The following EIF4G3 variants were observed in gnomAD, a reference collection of about 807,000 sequenced individuals.
The protein encoded by EIF4G3 is eIF-4-gamma 3.
Under a neutral mutation model 186.4 loss-of-function variants are expected in EIF4G3, and 34 were observed. The observed-to-expected ratio is 0.18, with a 90% CI of 0.14 to 0.24. The LOEUF (loss-of-function observed/expected upper bound fraction) is 0.24. Ranked by LOEUF, EIF4G3 falls within the 10% of genes least tolerant of loss-of-function variation. The pLI is 1.00. For synonymous variants in EIF4G3, 673 were observed against 679.5 expected (o/e 0.99, Z 0.15); for missense variants, 1,536 against 1,948.5 (o/e 0.79, Z 3.99).
rs145638748 is a variant in EIF4G3, at chr1:20,872,919, T to A, written c.2622+6404A>T. Among the ~76,000 whole-genome samples, 51 of 152,114 alleles carry A rather than the reference T, an allele frequency of 3.4e-4. No individual in the cohort carries two copies. In the East Asian group the frequency reaches 7.7e-3, roughly 23 times the overall value. Reference sequence around the variant, plus strand: ...GCCCAGCTAATTTTTGTATTTTTAGTAGAGATGGGGTTTCACCATGTTGGC... The same window carrying A: ...GCCCAGCTAATTTTTGTATTTTTAGAAGAGATGGGGTTTCACCATGTTGGC... On this transcript the variant is annotated intron_variant, in intron 20 of 36. Coordinates refer to ENST00000602326, the MANE Select transcript of EIF4G3 (RefSeq NM_001391906.1).
chr1:20,972,916 T>C, intron 11 of EIF4G3, 86 bp downstream of exon 11: 1 of 1,084,288 alleles, frequency 9.2e-7, no homozygotes. Flanking sequence ...ATTTGTGAAT[T>C]GAGATGAATA....
At chr1:20,974,567 A>G (rs2076472908) in intron 10 of EIF4G3, among the ~76,000 whole-genome samples, 1 of 152,222 alleles carries the variant, frequency 6.6e-6, no homozygotes, top group Admixed American at 6.5e-5. Flanking sequence ...ATAGTGAAAG[A>G]GAAGACGGAA....
intron 15 of EIF4G3, among the ~76,000 whole-genome samples, chr1:20,901,445 C>T (rs2090248559): frequency 6.6e-6 from 1 of 152,036 alleles, no homozygotes; most frequent in Non-Finnish European, 1.5e-5. Flanking sequence ...AGCAACATAA[C>T]CAAATTATAC....
chr1:20,893,946 T>A (rs912887287), intron 17 of EIF4G3, among the ~76,000 whole-genome samples: 1 of 150,088 alleles, frequency 6.7e-6, no homozygotes, highest in African/African-American at 2.5e-5. Flanking sequence ...GACAAGATAT[T>A]TTGAGATCCT....
chr1:21,029,701 A>G (rs1557611290), intron 4 of EIF4G3, among the ~76,000 whole-genome samples: 2 of 152,186 alleles, frequency 1.3e-5, no homozygotes, highest in Non-Finnish European at 2.9e-5. Context: ...TCAAGGGTAA[A>G]TAAGAGAAAG....
At position 20,817,511 on chromosome 1, in the gene EIF4G3, G is replaced by T; in HGVS notation, c.4396C>A (p.Pro1466Thr). The change falls in exon 34 of 37, where the codon CCC becomes ACC. Residue 1466 changes from proline to threonine, a missense_variant. Coordinates refer to ENST00000602326, the MANE Select transcript of EIF4G3 (RefSeq NM_001391906.1). ...QKLDFIESDS[P>T]CSSEALSKKE... ...TTTGAAAGTGCTTCAGAGGAACAGG[G>T]ACTGTCAGACTCTATGAAGTCCAAC... 1 of 1,603,508 alleles carries T rather than the reference G, an allele frequency of 6.2e-7. No homozygotes were observed. Among genetic ancestry groups the T allele is most frequent in the South Asian group, 1.1e-5 (1 of 89,288 alleles).
Position 20,865,395 on chromosome 1 carries a change from G to C in EIF4G3, c.2623-133C>G. On this transcript the variant is annotated intron_variant, in intron 20 of 36. Coordinates refer to ENST00000602326, the MANE Select transcript of EIF4G3 (RefSeq NM_001391906.1). ...CATTCTATAAGAGGCAAACAATATA[G>C]CTTCAGGCATTTCATGATTCAACAG... The C allele has an allele frequency of 4.5e-6, 4 of 880,280 alleles. No homozygotes were observed. In the South Asian group the frequency reaches 7.7e-5, roughly 17 times the overall value. The allele number at this position is 880,280 out of a possible 1,614,324, so 54.5% of individuals were successfully genotyped here. A position where few individuals can be genotyped will look rare whatever the true frequency, so the allele number is the denominator to read the frequency against.
chr1:20,856,577 C>T (rs1198904279), intron 25 of EIF4G3, among the ~76,000 whole-genome samples: 1 of 152,140 alleles, frequency 6.6e-6, no homozygotes, highest in Non-Finnish European at 1.5e-5. Context: ...TTTCCTCTTA[C>T]TGCCCACAGA....
chr1:20,919,813 A>T (rs542335438), intron 14 of EIF4G3, among the ~76,000 whole-genome samples: 4 of 152,334 alleles, frequency 2.6e-5, no homozygotes, highest in Admixed American at 2.6e-4. Flanking sequence ...AGAGAAGAAA[A>T]TCAGAATGTT....
intron 19 of EIF4G3, among the ~76,000 whole-genome samples, chr1:20,880,605 G>T (rs1461168718): frequency 6.6e-6 from 1 of 152,138 alleles, no homozygotes; most frequent in Non-Finnish European, 1.5e-5. Flanking sequence ...AGAAAAATTA[G>T]CTGGGTGTGG....
chr1:21,141,097 A>C (rs1357152882), intron 2 of EIF4G3, among the ~76,000 whole-genome samples: 1 of 152,166 alleles, frequency 6.6e-6, no homozygotes, highest in African/African-American at 2.4e-5. Context: ...AGTTAATGTT[A>C]ACCCTCAAAA....
At chr1:20,966,635 C>A (rs1173210692) in intron 12 of EIF4G3, among the ~76,000 whole-genome samples, 4 of 151,994 alleles carry the variant, frequency 2.6e-5, no homozygotes, top group Non-Finnish European at 5.9e-5. Flanking sequence ...CCACCCCTGG[C>A]TAGTTTTTTT....
At chr1:21,136,904 C>CT (rs1451828449) in intron 2 of EIF4G3, among the ~76,000 whole-genome samples, 2 of 152,162 alleles carry the variant, frequency 1.3e-5, no homozygotes, top group African/African-American at 4.8e-5. Context: ...ACAAGGTGTG[C>CT]TGTTACTGTA....
At chr1:20,991,823 T>C (rs1207509384) in intron 7 of EIF4G3, among the ~76,000 whole-genome samples, 1 of 151,990 alleles carries the variant, frequency 6.6e-6, no homozygotes, top group Non-Finnish European at 1.5e-5. Flanking sequence ...TGCTAAAAAA[T>C]AGCTTGGGAA....
At chr1:20,874,524 A>G (rs2080196805) in intron 20 of EIF4G3, among the ~76,000 whole-genome samples, 2 of 151,916 alleles carry the variant, frequency 1.3e-5, no homozygotes, top group Non-Finnish European at 1.5e-5. Flanking sequence ...CACCCAGTGG[A>G]TTTTCATTTC....
chr1:21,038,811 T>C (rs1029201744), intron 4 of EIF4G3, among the ~76,000 whole-genome samples: 1 of 152,200 alleles, frequency 6.6e-6, no homozygotes, highest in Non-Finnish European at 1.5e-5. Flanking sequence ...TACATCTTAA[T>C]TCCACTCTCA....
At chr1:21,088,828 G>A (rs6662707) in intron 3 of EIF4G3, among the ~76,000 whole-genome samples, 43,894 of 151,866 alleles carry the variant, frequency 0.29, 8,104 homozygotes, top group Non-Finnish European at 0.41. Flanking sequence ...TCACACCACT[G>A]CACTCCAGCC....
rs973234439 is a variant in EIF4G3 at position 21,100,654 on chromosome 1, T to C, written c.-271-11441A>G. On this transcript the variant is annotated intron_variant, in intron 2 of 36. Coordinates refer to ENST00000602326, the MANE Select transcript of EIF4G3 (RefSeq NM_001391906.1). ...GAGGCAGAAGGATCCCTTGAGCCCA[T>C]GAAGTTCAAGGCTGAAATGCACTAT... is the stretch of plus-strand genomic sequence containing the variant. Among the ~76,000 whole-genome samples, 10 of 152,170 alleles carry C rather than the reference T, an allele frequency of 6.6e-5. No individual in the cohort carries two copies. The South Asian group carries it at 2.1e-3, about 32-fold the overall frequency.
At chr1:21,170,548 G>A (rs1558294472) in intron 2 of EIF4G3, among the ~76,000 whole-genome samples, 2 of 151,950 alleles carry the variant, frequency 1.3e-5, no homozygotes. Flanking sequence ...GCGCGCACCT[G>A]TAATCCCAGC....
Sources: allele counts gnomAD v4.1 joint callset (sites outside exome capture counted in the v4.1 genomes callset), GRCh38; gene constraint gnomAD v4.1.1; transcripts MANE v1.5; gene names NCBI Gene and HGNC (gene_info 2026-07-23, HGNC 2026-07-21).